LIFR: variants seen among roughly 807,000 people sequenced by gnomAD.
LIFR encodes the protein LIF receptor subunit alpha.
LIFR carries 84 observed loss-of-function variants against 122.2 expected under a neutral mutation model. That is an observed-to-expected ratio of 0.69 (90% CI 0.58 to 0.82). The LOEUF (loss-of-function observed/expected upper bound fraction) is 0.82, where lower values mean the gene tolerates loss of function less well. LIFR is among the 40% of genes least tolerant of loss of function. LIFR has a pLI of 0.00. For synonymous variants in LIFR, 422 were observed against 434.7 expected (o/e 0.97, Z 0.36); for missense variants, 1,294 against 1,311.6 (o/e 0.99, Z 0.21).
At chr5:38,564,726 C>T (rs2367389) in intron 1 of LIFR, among the ~76,000 whole-genome samples, 9 of 104,942 alleles carry the variant, frequency 8.6e-5, no homozygotes, top group South Asian at 3.3e-4. Flanking sequence ...TATATATATA[C>T]ACACACACTA....
chr5:38,604,791 G>A (rs575913827), intron 2 of LIFR, among the ~76,000 whole-genome samples: 8 of 152,264 alleles, frequency 5.3e-5, no homozygotes, highest in African/African-American at 1.4e-4. Flanking sequence ...CAACATGTGC[G>A]TAAGGTGGTC....
chr5:38,589,446 G>C (rs1177363620), intron 1 of LIFR, among the ~76,000 whole-genome samples: 1 of 151,988 alleles, frequency 6.6e-6, no homozygotes, highest in Non-Finnish European at 1.5e-5. Context: ...AAGTAATTTT[G>C]CTTATTAAAA....
chr5:38,517,580 G>A (rs1214241669), intron 5 of LIFR, among the ~76,000 whole-genome samples: 5 of 152,018 alleles, frequency 3.3e-5, no homozygotes, highest in Non-Finnish European at 2.9e-5. Flanking sequence ...CTTTAAGGCT[G>A]GGCGCGGTGG....
intron 1 of LIFR, among the ~76,000 whole-genome samples, chr5:38,587,978 T>C (rs1749803614): frequency 6.6e-6 from 1 of 152,228 alleles, no homozygotes; most frequent in Non-Finnish European, 1.5e-5. Flanking sequence ...GTTGCTACTG[T>C]AGAATTTGGA....
chr5:38,542,911 A>G (rs1366326500), intron 1 of LIFR, among the ~76,000 whole-genome samples: 2 of 152,118 alleles, frequency 1.3e-5, no homozygotes, highest in Non-Finnish European at 1.5e-5. Context: ...TACATATAAT[A>G]TTATATAGCA....
chr5:38,608,344 T>C (rs935836731), exon 1 of LIFR: 1 of 152,098 alleles, frequency 6.6e-6, no homozygotes, highest in African/African-American at 2.4e-5. Context: ...AAAAAAAAAG[T>C]ACACAAACTG....
rs996472404 is a variant in LIFR, at chr5:38,496,286, C to T, written c.1885+96G>A. Reference sequence around the variant, plus strand: ...TCTAGGTCAGCAGCAACAAGGTATACGAGAAGAAGGCTGACATGACAAAAG... The same window carrying T: ...TCTAGGTCAGCAGCAACAAGGTATATGAGAAGAAGGCTGACATGACAAAAG... On this transcript the variant is annotated intron_variant, in intron 13 of 19. Coordinates refer to ENST00000453190, the MANE Select transcript of LIFR (RefSeq NM_001127671.2). 7.0e-5 allele frequency: 69 copies of T among 985,158 alleles called. No homozygotes were observed. In the African/African-American group the frequency reaches 7.8e-4, roughly 11 times the overall value. 61.0% of individuals were successfully genotyped at this position (985,158 alleles called of 1,614,324 possible).
At chr5:38,493,870 A>C in intron 13 of LIFR, 85 bp from the exon 14 acceptor site, 2 of 1,089,894 alleles carry the variant, frequency 1.8e-6, no homozygotes, top group Non-Finnish European at 2.8e-6. Flanking sequence ...GAGTTAGAAA[A>C]ATCACTTCAT....
intron 1 of LIFR, among the ~76,000 whole-genome samples, chr5:38,587,532 G>A (rs1749790175): frequency 6.6e-6 from 1 of 151,804 alleles, no homozygotes; most frequent in Admixed American, 6.6e-5. Flanking sequence ...AGCAAGAGAA[G>A]ACTGGTGAGA....
chr5:38,530,445 C>T lies in LIFR; in HGVS notation c.142+61G>A, dbSNP rs868509212. On this transcript the variant is annotated intron_variant, in intron 2 of 19. Transcript: ENST00000453190. ...GGTCAATAAAGCAACAAAATTGCTTCGTCATCAAAATGGAAATAAAACTGC... is the reference window on the plus strand; with the variant it reads ...GGTCAATAAAGCAACAAAATTGCTTTGTCATCAAAATGGAAATAAAACTGC... 2.5e-5 allele frequency: 36 copies of T among 1,466,544 alleles called. No individual in the cohort carries two copies. The Middle Eastern group carries it at 7.4e-4, about 30-fold the overall frequency. The allele number at this position is 1,466,544 out of a possible 1,614,324, so 90.8% of individuals were successfully genotyped here.
At chr5:38,604,927 T>A (rs1244531957) in intron 2 of LIFR, among the ~76,000 whole-genome samples, 1 of 152,062 alleles carries the variant, frequency 6.6e-6, no homozygotes, top group Non-Finnish European at 1.5e-5. Flanking sequence ...TTCCAGGTCA[T>A]AGGTAAATTT....
At chr5:38,563,394 G>T (rs765835712) in intron 1 of LIFR, among the ~76,000 whole-genome samples, 1 of 152,142 alleles carries the variant, frequency 6.6e-6, no homozygotes, top group Non-Finnish European at 1.5e-5. Context: ...CTCAGGTTGG[G>T]AGATTAATAT....
In LIFR at chr5:38,510,698, T is replaced by TA. The variant is rs1745753552; in HGVS notation, c.756dup (p.Lys253Ter). ...ATCACTTTATCTTGAGGAAAAACCT[T>TA]AGTCTGAGAATCAGGTATCCCTAGA... is the stretch of plus-strand genomic sequence containing the variant. On this transcript the variant is annotated frameshift_variant, in exon 7 of 20. Transcript: ENST00000453190. LOFTEE classifies it high-confidence loss of function. The TA allele has an allele frequency of 6.2e-7, 1 of 1,611,706 alleles. No homozygotes were observed. Among genetic ancestry groups the TA allele is most frequent in the Non-Finnish European group, 8.5e-7 (1 of 1,177,976 alleles).
Position 38,476,952 on chromosome 5 carries a change from T to C in LIFR, c.*4643A>G, listed in dbSNP as rs1467858386. On this transcript the variant is annotated 3_prime_UTR_variant, in exon 20 of 20. Transcript: ENST00000453190. ...AAGCACCATTCATAGCTAAAAATAA[T>C]AGAATCCTGTCATAACCCAATATCA... is the stretch of plus-strand genomic sequence containing the variant. 4.6e-6 allele frequency: 1 copy of C among 219,658 alleles called. No individual in the cohort carries two copies. Among genetic ancestry groups the C allele is most frequent in the Non-Finnish European group, 9.1e-6 (1 of 109,654 alleles). The allele number at this position is 219,658 out of a possible 1,614,324, so 13.6% of individuals were successfully genotyped here. A position where few individuals can be genotyped will look rare whatever the true frequency, so the allele number is the denominator to read the frequency against.
At chr5:38,561,100 T>C (rs1414385197), upstream of LIFR, among the ~76,000 whole-genome samples, 2 of 152,184 alleles carry the variant, frequency 1.3e-5, no homozygotes, top group African/African-American at 2.4e-5. Context: ...CATTGTCAAG[T>C]GGAAGGAGTC....
In LIFR at chr5:38,547,314, C is replaced by T. The variant is rs771427753; in HGVS notation, c.-20+9020G>A. Among the ~76,000 whole-genome samples, 9 of 152,162 alleles carry T rather than the reference C, an allele frequency of 5.9e-5. No individual in the cohort carries two copies. In the South Asian group the frequency reaches 1.9e-3, roughly 32 times the overall value. On this transcript the variant is annotated intron_variant, in intron 1 of 19. Transcript: ENST00000453190. ...CAAAAATGATTCTTGATTCATAACT[C>T]TCCTAAATTTGTTCTTCCCCTAACT...
At chr5:38,598,135 A>G (rs536130286), upstream of LIFR, among the ~76,000 whole-genome samples, 2 of 151,064 alleles carry the variant, frequency 1.3e-5, no homozygotes, top group South Asian at 4.2e-4. Context: ...AATCTATGGC[A>G]GTGACTCCAT....
intron 1 of LIFR, among the ~76,000 whole-genome samples, chr5:38,586,313 G>A (rs191822652): frequency 9.9e-5 from 15 of 152,156 alleles, no homozygotes; most frequent in Admixed American, 6.5e-4. Flanking sequence ...TAAATTTTCA[G>A]CAAAGTTTAT....
rs112733645 is a variant in LIFR, at chr5:38,474,749, G to A, written c.*6846C>T. 1.3e-5 allele frequency among the ~76,000 whole-genome samples: 2 copies of A among 152,042 alleles called. No individual in the cohort carries two copies. The highest frequency in any genetic ancestry group is 4.8e-5 in the African/African-American group (2 of 41,386). ...GATTATTTTGATGCTAACTTCTCAG[G>A]TAAACAATAATGACTTAATGGACAG... On this transcript the variant is annotated 3_prime_UTR_variant, in exon 20 of 20. Coordinates refer to ENST00000453190, the MANE Select transcript of LIFR (RefSeq NM_001127671.2).
Sources: allele counts gnomAD v4.1 joint callset (sites outside exome capture counted in the v4.1 genomes callset), GRCh38; gene constraint gnomAD v4.1.1; transcripts MANE v1.5; gene names NCBI Gene and HGNC (gene_info 2026-07-23, HGNC 2026-07-21).